FOXP1: variants seen among roughly 807,000 people sequenced by gnomAD.
FOXP1 encodes the protein forkhead box P1.
Under a neutral mutation model 98.2 loss-of-function variants are expected in FOXP1, and 15 were observed. The ratio of observed to expected loss-of-function variants is 0.15; its 90% CI spans 0.10 to 0.24. The LOEUF (loss-of-function observed/expected upper bound fraction) is 0.24, where lower values mean the gene tolerates loss of function less well. Ranked by LOEUF, FOXP1 falls within the 10% of genes least tolerant of loss-of-function variation. The pLI, the probability that FOXP1 is intolerant of heterozygous loss-of-function variation, is 1.00. For synonymous variants in FOXP1, 371 were observed against 314.5 expected (o/e 1.18, Z -1.90); for missense variants, 633 against 848.5 (o/e 0.75, Z 3.15).
rs34816352 is a variant in FOXP1, at chr3:71,277,261, CTTT to C, written c.-12+22556_-12+22558del. On this transcript the variant is annotated intron_variant, in intron 5 of 20. Transcript: ENST00000649528. ...GCATGAGCCACCGCACCTGGCTGAA[CTTT>C]TTTTTTTTTTTTTTTTAACTTCCAC... Among the ~76,000 whole-genome samples the C allele has an allele frequency of 3.7e-3, 500 of 133,676 alleles. 6 individuals are homozygous for C. Among genetic ancestry groups the C allele is most frequent in the African/African-American group, 0.012 (449 of 36,296 alleles). The allele number at this position is 133,676 out of a possible 152,430, so 87.7% of individuals were successfully genotyped here. A position where few individuals can be genotyped will look rare whatever the true frequency, so the allele number is the denominator to read the frequency against.
At chr3:71,500,553 C>A (rs749874355) in intron 2 of FOXP1, among the ~76,000 whole-genome samples, 8 of 152,196 alleles carry the variant, frequency 5.3e-5, no homozygotes, top group Non-Finnish European at 1.0e-4. Flanking sequence ...TTCCCCTGGG[C>A]CTTAGTGCTC....
intron 6 of FOXP1, among the ~76,000 whole-genome samples, chr3:71,182,922 T>C (rs569947123): frequency 8.3e-4 from 126 of 150,992 alleles, no homozygotes; most frequent in Middle Eastern, 6.8e-3. Context: ...TGCTTTTAGG[T>C]TTTTCCCCCA....
At chr3:71,501,914 T>C (rs921020460) in intron 2 of FOXP1, among the ~76,000 whole-genome samples, 10 of 152,182 alleles carry the variant, frequency 6.6e-5, no homozygotes, top group Admixed American at 6.5e-4. Context: ...CTCTTTGGTT[T>C]CTTTCGCAGA....
chr3:71,197,400 A>C (rs2063360579), intron 6 of FOXP1, among the ~76,000 whole-genome samples: 1 of 152,170 alleles, frequency 6.6e-6, no homozygotes, highest in Non-Finnish European at 1.5e-5. Context: ...TTGTTTACTT[A>C]TTTGAATATT....
chr3:71,447,935 G>C (rs2086602443), intron 3 of FOXP1, among the ~76,000 whole-genome samples: 1 of 152,146 alleles, frequency 6.6e-6, no homozygotes, highest in African/African-American at 2.4e-5. Flanking sequence ...CGTTCAGAGA[G>C]AAGAACCTCA....
chr3:71,055,812 T>C (rs569094921), intron 7 of FOXP1, among the ~76,000 whole-genome samples: 4 of 152,302 alleles, frequency 2.6e-5, no homozygotes, highest in Admixed American at 1.3e-4. Flanking sequence ...AAAAGAACCA[T>C]GTTTAAGGTT....
In FOXP1 at chr3:71,022,274, C is replaced by T. The variant is rs1384280732; in HGVS notation, c.870-6621G>A. On this transcript the variant is annotated intron_variant, in intron 11 of 20. Coordinates refer to ENST00000649528, the MANE Select transcript of FOXP1 (RefSeq NM_001349338.3). ...TTGTCAAAATGAACGTAAATGTAAGCGTTGGCATTTTTTAAATTTCACTTT... is the reference window on the plus strand; with the variant it reads ...TTGTCAAAATGAACGTAAATGTAAGTGTTGGCATTTTTTAAATTTCACTTT... Among the ~76,000 whole-genome samples, 4 of 152,036 alleles carry T rather than the reference C, an allele frequency of 2.6e-5. 1 individual carries two copies. Among genetic ancestry groups the T allele is most frequent in the African/African-American group, 4.8e-5 (2 of 41,400 alleles).
intron 7 of FOXP1, among the ~76,000 whole-genome samples, chr3:71,110,467 G>A (rs776723084): frequency 1.2e-4 from 19 of 152,070 alleles, no homozygotes; most frequent in African/African-American, 3.4e-4. Flanking sequence ...AAGAGGACTC[G>A]GGGTATTTTT....
intron 3 of FOXP1, among the ~76,000 whole-genome samples, chr3:71,482,339 T>C (rs917323839): frequency 6.6e-6 from 1 of 151,478 alleles, no homozygotes; most frequent in African/African-American, 2.4e-5. Flanking sequence ...CAAATTAATA[T>C]ATAACACTAT....
intron 3 of FOXP1, among the ~76,000 whole-genome samples, chr3:71,477,782 G>T (rs1004376589): frequency 6.6e-6 from 1 of 152,056 alleles, no homozygotes; most frequent in Non-Finnish European, 1.5e-5. Context: ...AATATTACAA[G>T]GTAATTTCTA....
chr3:70,962,883 C>T (rs928187724), intron 20 of FOXP1, among the ~76,000 whole-genome samples: 2 of 152,176 alleles, frequency 1.3e-5, no homozygotes, highest in East Asian at 3.8e-4. Context: ...CAATATTTTG[C>T]TAACCTTATC....
chr3:71,388,654 C>T (rs1303590111), intron 3 of FOXP1, among the ~76,000 whole-genome samples: 2 of 151,810 alleles, frequency 1.3e-5, no homozygotes, highest in Non-Finnish European at 2.9e-5. Context: ...TTCAAGGGTG[C>T]TCAAGGGAGA....
intron 5 of FOXP1, among the ~76,000 whole-genome samples, chr3:71,261,514 G>C (rs2069135177): frequency 6.6e-6 from 1 of 151,912 alleles, no homozygotes; most frequent in Non-Finnish European, 1.5e-5. Flanking sequence ...CATTTGCTAA[G>C]ATCTGATGTA....
At chr3:71,282,348 AAT>A (rs997072168) in intron 5 of FOXP1, among the ~76,000 whole-genome samples, 1 of 151,572 alleles carries the variant, frequency 6.6e-6, no homozygotes, top group Non-Finnish European at 1.5e-5. Flanking sequence ...GGCTCTCCTT[AAT>A]ATATATATAT....
chr3:71,489,053 C>G (rs2090874346), intron 3 of FOXP1, among the ~76,000 whole-genome samples: 1 of 152,200 alleles, frequency 6.6e-6, no homozygotes, highest in African/African-American at 2.4e-5. Context: ...GGCTGGCTCT[C>G]CTGGCCCAAG....
chr3:70,968,968 G>A (rs1175562480), intron 19 of FOXP1: 1 of 152,182 alleles, frequency 6.6e-6, no homozygotes, highest in East Asian at 1.9e-4. Context: ...TGGACGGAAA[G>A]TGTTCTTGGA....
At chr3:71,563,672 G>A (rs1281260254) in intron 2 of FOXP1, among the ~76,000 whole-genome samples, 1 of 152,208 alleles carries the variant, frequency 6.6e-6, no homozygotes, top group Non-Finnish European at 1.5e-5. Context: ...ATGTAACACA[G>A]TCTCAAACCC....
At chr3:71,211,937 GA>G (rs1344886343) in intron 5 of FOXP1, among the ~76,000 whole-genome samples, 3 of 152,126 alleles carry the variant, frequency 2.0e-5, no homozygotes, top group African/African-American at 2.4e-5. Flanking sequence ...TCTTCAAATG[GA>G]AAACCAGTAT....
chr3:71,176,154 T>A (rs988936809), intron 6 of FOXP1, among the ~76,000 whole-genome samples: 3 of 152,170 alleles, frequency 2.0e-5, no homozygotes, highest in Admixed American at 2.0e-4. Flanking sequence ...TGTTACATAA[T>A]CCTAAGAAAA....
Sources: allele counts gnomAD v4.1 joint callset (sites outside exome capture counted in the v4.1 genomes callset), GRCh38; gene constraint gnomAD v4.1.1; transcripts MANE v1.5; gene names NCBI Gene and HGNC (gene_info 2026-07-23, HGNC 2026-07-21).